Variants in VAT1L observed in about 807,000 individuals in gnomAD.
The protein encoded by VAT1L is putative NADPH-dependent quinone oxidoreductase VAT1L.
In VAT1L, 34 loss-of-function variants were observed where a neutral mutation model predicts 44.1. The ratio of observed to expected loss-of-function variants is 0.77; its 90% CI spans 0.59 to 1.03. The LOEUF is 1.03. VAT1L is among the 50% of genes least tolerant of loss of function. The pLI is 0.00. For synonymous variants in VAT1L, 253 were observed against 202.2 expected, an observed-to-expected ratio of 1.25 and a Z score of -2.13; for missense variants, 615 against 538.8, an observed-to-expected ratio of 1.14 and a Z score of -1.40.
At chr16:77,792,818 G>C (rs2015857963) in intron 1 of VAT1L, among the ~76,000 whole-genome samples, 1 of 152,146 alleles carries the variant, frequency 6.6e-6, no homozygotes, top group African/African-American at 2.4e-5. Flanking sequence ...CTATAAAATA[G>C]AGCATCCATT....
intron 7 of VAT1L, among the ~76,000 whole-genome samples, chr16:77,894,846 TG>T (rs2017305272): frequency 6.6e-6 from 1 of 151,960 alleles, no homozygotes; most frequent in Non-Finnish European, 1.5e-5. Context: ...ACTTGGGAGA[TG>T]GGGAAGAGGC....
chr16:77,930,659 C>G (rs2017721204), intron 7 of VAT1L, among the ~76,000 whole-genome samples: 2 of 152,152 alleles, frequency 1.3e-5, no homozygotes, highest in African/African-American at 4.8e-5. Context: ...GTTGGATAAT[C>G]CTAATCTCAG....
At chr16:77,839,554 A>C (rs1304161361) in intron 3 of VAT1L, among the ~76,000 whole-genome samples, 1 of 146,496 alleles carries the variant, frequency 6.8e-6, no homozygotes, top group African/African-American at 2.5e-5. Context: ...AAAAAAAAAA[A>C]AAAAAAAAAA....
intron 3 of VAT1L, among the ~76,000 whole-genome samples, chr16:77,840,535 T>C (rs535327790): frequency 1.3e-5 from 2 of 152,350 alleles, no homozygotes; most frequent in South Asian, 2.1e-4. Context: ...AGTTTCTTTT[T>C]TATTTTGTAT....
chr16:77,976,034 G>C (rs1242351244), intron 8 of VAT1L, among the ~76,000 whole-genome samples: 2 of 152,182 alleles, frequency 1.3e-5, no homozygotes, highest in Non-Finnish European at 2.9e-5. Flanking sequence ...CAATGTCTGC[G>C]AGCCAATTGG....
intron 2 of VAT1L, among the ~76,000 whole-genome samples, chr16:77,820,652 G>A (rs937075309): frequency 7.9e-5 from 12 of 152,090 alleles, no homozygotes; most frequent in Non-Finnish European, 1.5e-4. Context: ...ATCTGAACTG[G>A]AAGCCTTCTG....
Position 77,879,168 on chromosome 16 carries a change from G to A in VAT1L, c.827-1G>A. The A allele has an allele frequency of 6.2e-7, 1 of 1,613,988 alleles. No individual in the cohort carries two copies. Among genetic ancestry groups the A allele is most frequent in the Non-Finnish European group, 8.5e-7 (1 of 1,179,946 alleles). On this transcript the variant is annotated splice_acceptor_variant, in intron 5 of 8. Coordinates refer to ENST00000302536, the MANE Select transcript of VAT1L (RefSeq NM_020927.3). LOFTEE classifies it high-confidence loss of function. This position sits in a 1 kb window ranked among gnomAD's most constrained non-coding sequence, Gnocchi z 4.1. ...TTAATGTGGGAATCTTTCATTTTCAGGCTCATCCAACATGGTAACTGGAGA... is the reference window on the plus strand; with the variant it reads ...TTAATGTGGGAATCTTTCATTTTCAAGCTCATCCAACATGGTAACTGGAGA...
chr16:77,839,535 CAAAAAAAAAAAAAAAAAAAAA>C (rs71137846), intron 3 of VAT1L, among the ~76,000 whole-genome samples: 5 of 49,070 alleles, frequency 1.0e-4, no homozygotes, highest in African/African-American at 1.8e-4. Flanking sequence ...TACTCCATAT[CAAAAAAAAAAAAAAAAAAAAA>C]AAAAAAAAAA....
chr16:77,880,975 C>T (rs2142458176), intron 6 of VAT1L, among the ~76,000 whole-genome samples: 1 of 152,296 alleles, frequency 6.6e-6, no homozygotes, highest in Admixed American at 6.5e-5. Flanking sequence ...ATACGTCTCA[C>T]ATTTTATTTA....
At position 77,978,046 on chromosome 16, in the gene VAT1L, G is replaced by T; in HGVS notation, c.*351G>T. The stretch of plus-strand genomic sequence containing the variant: ...GACGTGGGCAAAGACAAGTTTGGAT[G>T]GAAAGGTGTTATCACAGAGCCCTGT... On this transcript the variant is annotated 3_prime_UTR_variant, in exon 9 of 9. Coordinates refer to ENST00000302536, the MANE Select transcript of VAT1L (RefSeq NM_020927.3). 4.6e-6 allele frequency: 1 copy of T among 217,762 alleles called. No individual in the cohort carries two copies. Among genetic ancestry groups the T allele is most frequent in the Non-Finnish European group, 9.3e-6 (1 of 107,200 alleles). 13.5% of individuals were successfully genotyped at this position (217,762 alleles called of 1,614,324 possible).
At chr16:77,798,193 G>A (rs575427129) in intron 1 of VAT1L, among the ~76,000 whole-genome samples, 33 of 152,242 alleles carry the variant, frequency 2.2e-4, no homozygotes, top group African/African-American at 7.9e-4. Context: ...GTGGTCCCCA[G>A]AGCCTAATGC....
intron 7 of VAT1L, among the ~76,000 whole-genome samples, chr16:77,936,681 C>T (rs1366873500): frequency 6.6e-6 from 1 of 152,146 alleles, no homozygotes; most frequent in Non-Finnish European, 1.5e-5. Flanking sequence ...TCCCAGGTTC[C>T]ACACAGGAAG....
At chr16:77,802,622 AC>A (rs1567468326) in intron 1 of VAT1L, among the ~76,000 whole-genome samples, 6,232 of 83,488 alleles carry the variant, frequency 0.075, 194 homozygotes, top group East Asian at 0.15. Context: ...TCAAACACAC[AC>A]ACACACACAC....
Position 77,884,670 on chromosome 16 carries a change from G to A in VAT1L, c.945G>A (p.Gly315=), listed in dbSNP as rs757394174. ...ATGAGGAGAACAAAGTCATCGCGGG[G>A]TTTTCCCTTTTAAATCTGCTCTTCA... The part of the protein sequence containing the change: ...KLYEENKVIA[G]FSLLNLLFKQ... The change falls in exon 7 of 9, where the codon GGG becomes GGA. Residue 315 remains glycine (G), a synonymous_variant. Transcript: ENST00000302536. This position sits in a 1 kb window ranked among gnomAD's most constrained non-coding sequence, Gnocchi z 4.5. 2.2e-5 allele frequency: 35 copies of A among 1,613,214 alleles called. No individual in the cohort carries two copies. Among genetic ancestry groups the A allele is most frequent in the Non-Finnish European group, 3.4e-6 (4 of 1,179,760 alleles).
intron 7 of VAT1L, among the ~76,000 whole-genome samples, chr16:77,969,102 A>T (rs1374969285): frequency 1.3e-5 from 2 of 152,224 alleles, no homozygotes; most frequent in Non-Finnish European, 2.9e-5. Flanking sequence ...TACAAGCGTG[A>T]GCCACTATGC....
intron 7 of VAT1L, among the ~76,000 whole-genome samples, chr16:77,925,068 T>C (rs1055523013): frequency 3.3e-5 from 5 of 152,160 alleles, no homozygotes; most frequent in African/African-American, 1.2e-4. Flanking sequence ...AAGCTCCTCA[T>C]GGAATGTTCA....
intron 3 of VAT1L, among the ~76,000 whole-genome samples, chr16:77,858,584 A>G (rs943076373): frequency 6.6e-5 from 10 of 152,202 alleles, no homozygotes; most frequent in Admixed American, 5.2e-4. Context: ...AGACGAGTGA[A>G]CAGAGGTGCC....
chr16:77,849,177 C>A (rs1477122713), intron 3 of VAT1L, among the ~76,000 whole-genome samples: 1 of 152,090 alleles, frequency 6.6e-6, no homozygotes, highest in East Asian at 1.9e-4. Flanking sequence ...TATCCCAGAA[C>A]TTAAAGTATA....
intron 3 of VAT1L, among the ~76,000 whole-genome samples, chr16:77,833,382 G>A (rs937604360): frequency 6.6e-6 from 1 of 152,184 alleles, no homozygotes; most frequent in Admixed American, 6.5e-5. Flanking sequence ...GCATCCCCAA[G>A]GAAGTGGCAT....
Sources: allele counts gnomAD v4.1 joint callset (sites outside exome capture counted in the v4.1 genomes callset), GRCh38; gene constraint gnomAD v4.1.1; non-coding constraint Gnocchi (gnomAD v3.1); transcripts MANE v1.5; gene names NCBI Gene and HGNC (gene_info 2026-07-23, HGNC 2026-07-21).